The following ITPR1 variants were observed in gnomAD, a reference collection of about 807,000 sequenced individuals.
The protein encoded by ITPR1 is inositol 1,4,5-trisphosphate-gated calcium channel ITPR1.
Under a neutral mutation model 318.4 loss-of-function variants are expected in ITPR1, and 96 were observed. That is an observed-to-expected ratio of 0.30 (90% CI 0.26 to 0.36). The LOEUF (loss-of-function observed/expected upper bound fraction) is 0.36, where lower values mean the gene tolerates loss of function less well. Among genes scored for constraint, ITPR1 ranks in the 10% least tolerant of loss-of-function variants. The pLI, the probability that ITPR1 is intolerant of heterozygous loss-of-function variation, is 1.00. For missense variants in ITPR1, 2,440 were observed against 3,460.2 expected, an observed-to-expected ratio of 0.71 and a Z score of 7.40; for synonymous variants, 1,312 against 1,289.9, an observed-to-expected ratio of 1.02 and a Z score of -0.37.
At chr3:4,765,889 C>T (rs189305970) in intron 44 of ITPR1, among the ~76,000 whole-genome samples, 15 of 152,300 alleles carry the variant, frequency 9.8e-5, no homozygotes. Flanking sequence ...TTTAACCACT[C>T]TTACCTGTCC....
chr3:4,549,417 T>G (rs2085335084), intron 4 of ITPR1, among the ~76,000 whole-genome samples: 1 of 152,248 alleles, frequency 6.6e-6, no homozygotes, highest in Non-Finnish European at 1.5e-5. Context: ...AGCCTCATTG[T>G]AAATGAAGCA....
intron 23 of ITPR1, among the ~76,000 whole-genome samples, chr3:4,675,898 T>C (rs776589326): frequency 6.6e-6 from 1 of 152,206 alleles, no homozygotes; most frequent in Non-Finnish European, 1.5e-5. Context: ...TTTAGTTCTT[T>C]TGTTGAGCTC....
intron 2 of ITPR1, among the ~76,000 whole-genome samples, chr3:4,503,690 C>T (rs1049724190): frequency 6.6e-6 from 1 of 151,970 alleles, no homozygotes; most frequent in South Asian, 2.1e-4. Flanking sequence ...CCCTGCCCCA[C>T]CACACACACA....
intron 53 of ITPR1, among the ~76,000 whole-genome samples, chr3:4,799,438 G>A (rs561113287): frequency 1.3e-4 from 20 of 152,264 alleles, no homozygotes; most frequent in African/African-American, 2.6e-4. Flanking sequence ...CTGAATCTCC[G>A]CAGGCGTGGA....
chr3:4,499,150 T>C (rs2080831120), intron 2 of ITPR1, among the ~76,000 whole-genome samples: 1 of 152,198 alleles, frequency 6.6e-6, no homozygotes, highest in African/African-American at 2.4e-5. Context: ...ACCCCATCTC[T>C]GTTAAAAAAA....
chr3:4,836,193 G>A (rs1270989292), intron 60 of ITPR1, among the ~76,000 whole-genome samples: 1 of 152,092 alleles, frequency 6.6e-6, no homozygotes, highest in Admixed American at 6.5e-5. Flanking sequence ...ATAATATGAG[G>A]CCCCTGGAGC....
chr3:4,512,043 A>G (rs1012150193), intron 2 of ITPR1, among the ~76,000 whole-genome samples: 3 of 152,148 alleles, frequency 2.0e-5, no homozygotes, highest in Non-Finnish European at 4.4e-5. Flanking sequence ...GCTGGAATGC[A>G]GTGGTATGAT....
intron 44 of ITPR1, among the ~76,000 whole-genome samples, chr3:4,737,035 A>G (rs900554069): frequency 2.0e-5 from 3 of 152,120 alleles, no homozygotes; most frequent in South Asian, 2.1e-4. Flanking sequence ...CTGAGATTAT[A>G]TCTCTCCAAT....
In ITPR1 at chr3:4,711,520, GTGGC is replaced by G. The variant is rs2041369888; in HGVS notation, c.4992-234_4992-231del. The G allele has an allele frequency of 1.1e-5, 5 of 470,266 alleles. No homozygotes were observed. The East Asian group carries it at 1.7e-4, about 16-fold the overall frequency. 29.1% of individuals were successfully genotyped at this position (470,266 alleles called of 1,614,324 possible). On this transcript the variant is annotated intron_variant, in intron 38 of 61. Coordinates refer to ENST00000649015, the MANE Select transcript of ITPR1 (RefSeq NM_001378452.1). ...TCTCCATATAATCTCTCCATTGTAT[GTGGC>G]TGACTCCTGCCCAGTGAGCCTGTTT...
rs1366881649 is a variant in ITPR1 at position 4,702,695 on chromosome 3, G to A, written c.4537-135G>A. 7 of 929,166 alleles carry A rather than the reference G, an allele frequency of 7.5e-6. No homozygotes were observed. The East Asian group carries it at 1.9e-4, about 25-fold the overall frequency. The allele number at this position is 929,166 out of a possible 1,614,324, so 57.6% of individuals were successfully genotyped here. Reference sequence around the variant, plus strand: ...CATCCCCTCTCACCCTTGCCTCAGGGTCCATTAACAAGGCAGTGTCTGTCT... The same window carrying A: ...CATCCCCTCTCACCCTTGCCTCAGGATCCATTAACAAGGCAGTGTCTGTCT... On this transcript the variant is annotated intron_variant, in intron 35 of 61. Coordinates refer to ENST00000649015, the MANE Select transcript of ITPR1 (RefSeq NM_001378452.1).
chr3:4,674,196 T>C lies in ITPR1; in HGVS notation c.2457-6T>C. 6.5e-7 allele frequency: 1 copy of C among 1,536,022 alleles called. No individual in the cohort carries two copies. The highest frequency in any genetic ancestry group is 8.7e-7 in the Non-Finnish European group (1 of 1,143,182). On this transcript the variant is annotated splice_region_variant and splice_polypyrimidine_tract_variant and intron_variant, in intron 21 of 61. Transcript: ENST00000649015. ...TTTGTTTCCTTTCTTTCTCCTTTCT[T>C]TTCAGCTATGATAGTAGTGGAGCTT...
intron 8 of ITPR1, 34 bp from the exon 9 acceptor site, chr3:4,645,353 G>A: frequency 2.8e-6 from 4 of 1,430,844 alleles, no homozygotes; most frequent in South Asian, 1.2e-5. Flanking sequence ...GTTGTGAGGG[G>A]TACGTGAAAA....
intron 4 of ITPR1, among the ~76,000 whole-genome samples, chr3:4,604,554 A>G (rs1575684201): frequency 1.3e-5 from 2 of 152,258 alleles, no homozygotes. Context: ...ATGACAAGCA[A>G]TGTAAAGGAG....
At chr3:4,734,152 A>G (rs185008942) in intron 43 of ITPR1, among the ~76,000 whole-genome samples, 4 of 152,244 alleles carry the variant, frequency 2.6e-5, no homozygotes, top group Admixed American at 1.3e-4. Flanking sequence ...GTGAAGATGC[A>G]GTTCTCAAGG....
At chr3:4,509,646 A>T (rs1392455114) in intron 2 of ITPR1, among the ~76,000 whole-genome samples, 1 of 152,146 alleles carries the variant, frequency 6.6e-6, no homozygotes, top group African/African-American at 2.4e-5. Context: ...GAATGAAAAA[A>T]CTTAGCCAGA....
intron 24 of ITPR1, among the ~76,000 whole-genome samples, chr3:4,677,642 C>T (rs2094211374): frequency 6.6e-6 from 1 of 152,120 alleles, no homozygotes; most frequent in Non-Finnish European, 1.5e-5. Flanking sequence ...GCTTCTTGGA[C>T]AGATTGCCTG....
chr3:4,497,212 G>C (rs1229431967), intron 2 of ITPR1, among the ~76,000 whole-genome samples: 1 of 152,162 alleles, frequency 6.6e-6, no homozygotes, highest in African/African-American at 2.4e-5. Flanking sequence ...TTGCTAATGA[G>C]AATAAGCCAG....
chr3:4,807,212 T>G (rs1162928110), intron 55 of ITPR1, among the ~76,000 whole-genome samples: 1 of 151,058 alleles, frequency 6.6e-6, no homozygotes, highest in Non-Finnish European at 1.5e-5. Context: ...AGGGAAGCTC[T>G]TCAGGGAGAT....
At chr3:4,516,643 A>G in intron 3 of ITPR1, 60 bp downstream of exon 3, 1 of 1,024,702 alleles carries the variant, frequency 9.8e-7, no homozygotes, top group East Asian at 2.5e-5. Flanking sequence ...ACATCAGCTT[A>G]AAACTGTGAT....
Sources: gnomAD v4.1 joint callset for allele counts (sites outside exome capture counted in the v4.1 genomes callset) on GRCh38, gnomAD v4.1.1 for gene constraint, MANE v1.5 for transcripts, NCBI Gene and HGNC (gene_info 2026-07-23, HGNC 2026-07-21) for gene names.